Variants in TMEM181 observed in about 807,000 individuals in gnomAD.
TMEM181 encodes the protein transmembrane protein 181.
Under a neutral mutation model 71.9 loss-of-function variants are expected in TMEM181, and 39 were observed. The ratio of observed to expected loss-of-function variants is 0.54; its 90% CI spans 0.42 to 0.71. The LOEUF (loss-of-function observed/expected upper bound fraction) is 0.71, where lower values mean the gene tolerates loss of function less well. TMEM181 is among the 30% of genes least tolerant of loss of function. The pLI is 0.00. For missense variants in TMEM181, 595 were observed against 583.0 expected (o/e 1.02, Z -0.21); for synonymous variants, 245 against 228.8 (o/e 1.07, Z -0.64).
intron 9 of TMEM181, 80 bp downstream of exon 9, chr6:158,608,543 G>A (rs1785099465): frequency 6.2e-7 from 1 of 1,608,980 alleles, no homozygotes; most frequent in East Asian, 2.2e-5. Context: ...AGCCCAGAAA[G>A]GTGAATTTAT....
intron 10 of TMEM181, among the ~76,000 whole-genome samples, chr6:158,612,728 A>G (rs754164168): frequency 2.1e-4 from 32 of 152,228 alleles, no homozygotes; most frequent in Non-Finnish European, 3.2e-4. Flanking sequence ...ATGTTTGGAA[A>G]GACCCATGTG....
chr6:158,589,072 A>G (rs1233188131), intron 5 of TMEM181, among the ~76,000 whole-genome samples: 1 of 152,226 alleles, frequency 6.6e-6, no homozygotes, highest in Admixed American at 6.5e-5. Flanking sequence ...ATTCTAAAGG[A>G]CAAAAGGAAG....
chr6:158,572,258 T>C (rs1393662587), intron 1 of TMEM181: 2 of 371,368 alleles, frequency 5.4e-6, no homozygotes, highest in African/African-American at 4.2e-5. Context: ...CGCAGGCCCG[T>C]GTGAGCTTTG....
intron 1 of TMEM181, among the ~76,000 whole-genome samples, chr6:158,545,125 G>C (rs746484198): frequency 6.6e-6 from 1 of 152,208 alleles, no homozygotes; most frequent in African/African-American, 2.4e-5. Flanking sequence ...TCAGCCGTGG[G>C]CTGCAGGGCA....
In TMEM181 at chr6:158,553,044, C is replaced by T. The variant is rs545080900; in HGVS notation, c.131+16179C>T. Among the ~76,000 whole-genome samples the T allele has an allele frequency of 2.8e-4, 43 of 151,910 alleles. 1 individual carries two copies. The highest frequency in any genetic ancestry group is 9.7e-4 in the African/African-American group (40 of 41,418). On this transcript the variant is annotated intron_variant, in intron 1 of 16. Coordinates refer to the TMEM181 transcript ENST00000367090. ...CCTGCAAAACAATTAAAAAATTAGC[C>T]GGGTGTGGTGGTGTGTGCCTGTGGT... is the stretch of plus-strand genomic sequence containing the variant.
intron 11 of TMEM181, among the ~76,000 whole-genome samples, 193 bp downstream of exon 11, chr6:158,623,800 G>T (rs538994852): frequency 1.3e-5 from 2 of 150,388 alleles, no homozygotes; most frequent in African/African-American, 2.5e-5. Context: ...TTGCTCTGTC[G>T]CCCAGGCTGG....
intron 6 of TMEM181, among the ~76,000 whole-genome samples, chr6:158,603,093 G>C (rs1784758394): frequency 6.6e-6 from 1 of 152,076 alleles, no homozygotes; most frequent in South Asian, 2.1e-4. Context: ...TTGGATTTGT[G>C]AGTTGATAGT....
intron 1 of TMEM181, among the ~76,000 whole-genome samples, chr6:158,549,500 A>G (rs1244328701): frequency 6.6e-6 from 1 of 152,218 alleles, no homozygotes; most frequent in Non-Finnish European, 1.5e-5. Flanking sequence ...TGAAGAAAGG[A>G]GAGAATGCAA....
chr6:158,604,092 C>A lies in TMEM181; in HGVS notation c.493-1175C>A, dbSNP rs558818741. 6.8e-4 allele frequency among the ~76,000 whole-genome samples: 103 copies of A among 152,324 alleles called. No individual in the cohort carries two copies. The South Asian group carries it at 0.017, about 25-fold the overall frequency. On this transcript the variant is annotated intron_variant, in intron 6 of 16. Coordinates refer to ENST00000684151, the MANE Select transcript of TMEM181 (RefSeq NM_001376852.1). ...AGTTTCTTCTCTGTCTTGTGGGTGC[C>A]AGGCACTGGCTTTTTGGGAGGTTCG...
rs922383630 is a variant in TMEM181, at chr6:158,620,939, ACT to A, written c.897-2606_897-2605del. Among the ~76,000 whole-genome samples, 3 of 152,186 alleles carry A rather than the reference ACT, an allele frequency of 2.0e-5. No individual in the cohort carries two copies. The highest frequency in any genetic ancestry group is 7.2e-5 in the African/African-American group (3 of 41,436). On this transcript the variant is annotated intron_variant, in intron 10 of 16. Transcript: ENST00000684151. The surrounding 1 kb of genome is among the most constrained non-coding windows in gnomAD (Gnocchi z 4.5). Reference sequence around the variant, plus strand: ...CTTCTGGCCAAGTTAGGTCAGAGGCACTCTCTTACGGGCTAAGAGTATTTAAG... The same window carrying A: ...CTTCTGGCCAAGTTAGGTCAGAGGCACTCTTACGGGCTAAGAGTATTTAAG...
At chr6:158,613,719 T>TA (rs370500889) in intron 10 of TMEM181, among the ~76,000 whole-genome samples, 2 of 152,366 alleles carry the variant, frequency 1.3e-5, no homozygotes, top group African/African-American at 4.8e-5. Flanking sequence ...TGTGTTCTGT[T>TA]ACGCAAGAAA....
Position 158,610,753 on chromosome 6 carries a change from C to T in TMEM181, c.896+2003C>T, listed in dbSNP as rs775323564. On this transcript the variant is annotated intron_variant, in intron 10 of 16. Transcript: ENST00000684151. ...AATCACTCAGGCACTCGGGCTGCTC[C>T]TCCCAGCCTGTGCTGCGTCATTGCT... is the stretch of plus-strand genomic sequence containing the variant. 1.7e-5 allele frequency: 5 copies of T among 302,808 alleles called. No homozygotes were observed. In the Admixed American group the frequency reaches 2.0e-4, roughly 12 times the overall value. 18.8% of individuals were successfully genotyped at this position (302,808 alleles called of 1,614,324 possible). A position where few individuals can be genotyped will look rare whatever the true frequency, so the allele number is the denominator to read the frequency against.
chr6:158,557,164 C>G (rs1781925869), upstream of TMEM181, among the ~76,000 whole-genome samples: 1 of 152,142 alleles, frequency 6.6e-6, no homozygotes, highest in African/African-American at 2.4e-5. Context: ...TGCTTGAGCC[C>G]AGGAGTTCAA....
chr6:158,560,016 C>A, upstream of TMEM181: 10 of 983,146 alleles, frequency 1.0e-5, no homozygotes, highest in Non-Finnish European at 1.1e-5. Context: ...CCCGCGGCCC[C>A]GCTTCCACCG....
chr6:158,542,755 C>A (rs1781399061), intron 1 of TMEM181, among the ~76,000 whole-genome samples: 1 of 151,718 alleles, frequency 6.6e-6, no homozygotes, highest in Non-Finnish European at 1.5e-5. Context: ...CATGCGTGGA[C>A]CACCACACCT....
chr6:158,618,757 G>A (rs1785776525), intron 10 of TMEM181, among the ~76,000 whole-genome samples: 1 of 152,198 alleles, frequency 6.6e-6, no homozygotes, highest in Non-Finnish European at 1.5e-5. Flanking sequence ...ATGAAGCTTA[G>A]TTTGGCTTGA....
intron 4 of TMEM181, among the ~76,000 whole-genome samples, chr6:158,584,386 A>G (rs571045066): frequency 1.3e-4 from 20 of 152,332 alleles, no homozygotes; most frequent in Admixed American, 7.8e-4. Context: ...ACACTTGCCA[A>G]TGTCTTGAGA....
chr6:158,622,289 C>T (rs1415807580), intron 10 of TMEM181, among the ~76,000 whole-genome samples: 1 of 152,020 alleles, frequency 6.6e-6, no homozygotes, highest in Non-Finnish European at 1.5e-5. Context: ...TTCAAAATAT[C>T]CTGTATTCTT....
intron 8 of TMEM181, 51 bp from the exon 9 acceptor site, chr6:158,608,268 GGGTGCTGTCTGCCA>G: frequency 6.4e-7 from 1 of 1,565,372 alleles, no homozygotes; most frequent in Non-Finnish European, 8.6e-7. Context: ...CAGAGGTATG[GGGTGCTGTCTGCCA>G]GGTGCTGGCG....
Sources: gnomAD v4.1 joint callset for allele counts (sites outside exome capture counted in the v4.1 genomes callset) on GRCh38, gnomAD v4.1.1 for gene constraint, Gnocchi (gnomAD v3.1) non-coding constraint, MANE v1.5 for transcripts, NCBI Gene and HGNC (gene_info 2026-07-23, HGNC 2026-07-21) for gene names.